Variants in MYO3A observed in about 807,000 individuals in gnomAD.
MYO3A encodes the protein myosin IIIA.
In MYO3A, 180 loss-of-function variants were observed where a neutral mutation model predicts 192.7. The ratio of observed to expected loss-of-function variants is 0.93; its 90% CI spans 0.83 to 1.06. MYO3A has a LOEUF of 1.06. Ranked by LOEUF, MYO3A falls within the 50% of genes least tolerant of loss-of-function variation. The probability of loss-of-function intolerance (pLI) is 0.00; values close to 1 mark genes in which losing one functional copy is unlikely to be tolerated. For missense variants in MYO3A, 1,896 were observed against 1,905.0 expected (o/e 1.00, Z 0.09); for synonymous variants, 628 against 645.3 (o/e 0.97, Z 0.41).
chr10:26,158,079 T>C (rs1294509614), intron 26 of MYO3A, among the ~76,000 whole-genome samples: 2 of 152,216 alleles, frequency 1.3e-5, no homozygotes, highest in African/African-American at 4.8e-5. Flanking sequence ...CTAACCTCAC[T>C]TTACTCGCCT....
intron 14 of MYO3A, among the ~76,000 whole-genome samples, chr10:26,072,701 TA>T (rs59197337): frequency 2.0e-5 from 3 of 149,694 alleles, no homozygotes; most frequent in South Asian, 2.1e-4. Flanking sequence ...TCTATGTTTA[TA>T]AAAAAAAAAA....
chr10:26,143,975 T>C (rs1350170353), intron 21 of MYO3A, among the ~76,000 whole-genome samples: 1 of 152,200 alleles, frequency 6.6e-6, no homozygotes, highest in Non-Finnish European at 1.5e-5. Context: ...AATAAATTAA[T>C]CTGTGATGTT....
chr10:26,178,139 C>T (rs1368771792), intron 31 of MYO3A, among the ~76,000 whole-genome samples: 2 of 152,202 alleles, frequency 1.3e-5, no homozygotes, highest in African/African-American at 4.8e-5. Flanking sequence ...GAGGGAAGGC[C>T]AGGGCTTCAG....
chr10:26,159,264 C>A (rs921708699), intron 26 of MYO3A, among the ~76,000 whole-genome samples: 72 of 149,716 alleles, frequency 4.8e-4, no homozygotes, highest in Non-Finnish European at 4.8e-4. Flanking sequence ...TGCTGGAATT[C>A]CAGGCATGAG....
intron 25 of MYO3A, 45 bp downstream of exon 25, chr10:26,154,868 A>G: frequency 1.3e-6 from 2 of 1,487,070 alleles, no homozygotes; most frequent in Non-Finnish European, 1.9e-6. Context: ...GGTGCTATTT[A>G]GTCTAAATGA....
At chr10:26,104,131 A>T (rs1837644589) in intron 17 of MYO3A, among the ~76,000 whole-genome samples, 1 of 151,594 alleles carries the variant, frequency 6.6e-6, no homozygotes. Flanking sequence ...AAAAAAAATT[A>T]TAGTATTTGT....
intron 4 of MYO3A, among the ~76,000 whole-genome samples, chr10:25,960,181 C>G (rs1261080454): frequency 1.3e-5 from 2 of 151,926 alleles, no homozygotes; most frequent in Non-Finnish European, 1.5e-5. Context: ...TATTCCTTTA[C>G]TAGTGTTTTA....
intron 10 of MYO3A, among the ~76,000 whole-genome samples, chr10:26,062,908 A>C (rs928528829): frequency 6.6e-6 from 1 of 152,176 alleles, no homozygotes; most frequent in African/African-American, 2.4e-5. Context: ...ATAGATGAAA[A>C]TATACTAACA....
At chr10:26,105,415 T>C (rs1336980506) in intron 17 of MYO3A, among the ~76,000 whole-genome samples, 1 of 152,144 alleles carries the variant, frequency 6.6e-6, no homozygotes, top group African/African-American at 2.4e-5. Flanking sequence ...TGGGTGAAAG[T>C]AACATGTTGT....
intron 34 of MYO3A, chr10:26,204,158 T>G (rs78472284): frequency 1.3e-5 from 2 of 152,208 alleles, no homozygotes; most frequent in African/African-American, 4.8e-5. Flanking sequence ...GATCCAGCAC[T>G]GTAACATGTT....
chr10:26,207,551 T>C (rs1844028900), intron 34 of MYO3A, among the ~76,000 whole-genome samples: 1 of 152,234 alleles, frequency 6.6e-6, no homozygotes, highest in African/African-American at 2.4e-5. Context: ...TTCCCCATTG[T>C]GTGTTTTTGG....
chr10:26,164,682 T>C (rs1841645878), intron 26 of MYO3A, among the ~76,000 whole-genome samples: 1 of 152,188 alleles, frequency 6.6e-6, no homozygotes, highest in Admixed American at 6.5e-5. Flanking sequence ...AGATTTTCTC[T>C]GGCTGTGCTC....
At chr10:26,184,119 A>G (rs1842753737) in intron 31 of MYO3A, among the ~76,000 whole-genome samples, 1 of 152,212 alleles carries the variant, frequency 6.6e-6, no homozygotes, top group Non-Finnish European at 1.5e-5. Context: ...TGCAAGGCAG[A>G]GAGGACTCCT....
At chr10:26,089,976 G>A (rs1281509761) in intron 15 of MYO3A, among the ~76,000 whole-genome samples, 1 of 152,156 alleles carries the variant, frequency 6.6e-6, no homozygotes, top group Non-Finnish European at 1.5e-5. Flanking sequence ...TTCAGTAAAT[G>A]GCAGATACTA....
intron 9 of MYO3A, among the ~76,000 whole-genome samples, chr10:26,024,633 C>G (rs1392845113): frequency 6.6e-6 from 1 of 152,140 alleles, no homozygotes; most frequent in Non-Finnish European, 1.5e-5. Flanking sequence ...TTAGCACTCC[C>G]TTCAGGACCT....
intron 10 of MYO3A, among the ~76,000 whole-genome samples, chr10:26,062,388 G>A (rs77173427): frequency 0.47 from 69,680 of 148,786 alleles, 17,149 homozygotes; most frequent in Middle Eastern, 0.59. Context: ...GCATGGTAGC[G>A]CGCCTGTAGT....
intron 10 of MYO3A, among the ~76,000 whole-genome samples, chr10:26,045,074 C>T (rs1843560681): frequency 6.6e-6 from 1 of 152,136 alleles, no homozygotes; most frequent in African/African-American, 2.4e-5. Context: ...TGAGCCTGGC[C>T]AGCAAGGACT....
intron 9 of MYO3A, 60 bp downstream of exon 9, chr10:26,024,147 C>A: frequency 6.9e-7 from 1 of 1,447,374 alleles, no homozygotes; most frequent in Non-Finnish European, 9.7e-7. Context: ...AACTAAATCT[C>A]CTCCTATTTC....
intron 2 of MYO3A, among the ~76,000 whole-genome samples, chr10:25,949,861 T>G (rs979896470): frequency 6.6e-6 from 1 of 152,180 alleles, no homozygotes; most frequent in Non-Finnish European, 1.5e-5. Flanking sequence ...ATTTTCTAGG[T>G]ACAGAGTAAG....
Sources: gnomAD v4.1 joint callset for allele counts (sites outside exome capture counted in the v4.1 genomes callset) on GRCh38, gnomAD v4.1.1 for gene constraint, MANE v1.5 for transcripts, NCBI Gene and HGNC (gene_info 2026-07-23, HGNC 2026-07-21) for gene names.